The following TNFSF8 variants were observed in gnomAD, a reference collection of about 807,000 sequenced individuals.
TNFSF8 encodes tumor necrosis factor ligand superfamily member 8.
In TNFSF8, 4 loss-of-function variants were observed where a neutral mutation model predicts 22.0. That is an observed-to-expected ratio of 0.18 (90% CI 0.09 to 0.42). The LOEUF is 0.42. Ranked by LOEUF, TNFSF8 falls within the 10% of genes least tolerant of loss-of-function variation. The pLI, the probability that TNFSF8 is intolerant of heterozygous loss-of-function variation, is 1.00. For missense variants in TNFSF8, 233 were observed against 281.8 expected, an observed-to-expected ratio of 0.83 and a Z score of 1.24; for synonymous variants, 106 against 112.5, an observed-to-expected ratio of 0.94 and a Z score of 0.37.
intron 2 of TNFSF8, among the ~76,000 whole-genome samples, chr9:114,910,905 G>C (rs565949256): frequency 2.1e-4 from 32 of 152,212 alleles, no homozygotes; most frequent in Admixed American, 3.9e-4. Context: ...TTTAGCTCTG[G>C]ATCTGTCATT....
intron 2 of TNFSF8, among the ~76,000 whole-genome samples, chr9:114,910,984 A>G (rs1827845827): frequency 6.6e-6 from 1 of 152,196 alleles, no homozygotes; most frequent in Non-Finnish European, 1.5e-5. Flanking sequence ...AAATGTATGG[A>G]TGTCATGAAG....
chr9:114,918,518 T>C (rs1336380294), intron 1 of TNFSF8, among the ~76,000 whole-genome samples: 1 of 151,874 alleles, frequency 6.6e-6, no homozygotes, highest in African/African-American at 2.4e-5. Context: ...GGTATGATCA[T>C]GGGTCACTGC....
downstream of TNFSF8, among the ~76,000 whole-genome samples, chr9:114,899,345 A>AT (rs917553729): frequency 1.3e-3 from 180 of 143,900 alleles, 1 homozygote; most frequent in Middle Eastern, 3.5e-3. Context: ...GTAAGTTATT[A>AT]TTTTTTTTTT....
intron 2 of TNFSF8, among the ~76,000 whole-genome samples, chr9:114,908,015 T>G (rs919194398): frequency 3.9e-5 from 6 of 152,170 alleles, no homozygotes; most frequent in African/African-American, 1.4e-4. Context: ...CATTTAGGAA[T>G]GTTGATTTAT....
chr9:114,927,255 TTTG>T (rs1183039562), intron 1 of TNFSF8, among the ~76,000 whole-genome samples: 1 of 151,832 alleles, frequency 6.6e-6, no homozygotes, highest in East Asian at 1.9e-4. Flanking sequence ...AGACAGGGAT[TTTG>T]TTGTTTTTTT....
Position 114,901,577 on chromosome 9 carries a change from A to C in TNFSF8, c.*2354T>G. 1 of 985,328 alleles carries C rather than the reference A, an allele frequency of 1.0e-6. No homozygotes were observed. Among genetic ancestry groups the C allele is most frequent in the Non-Finnish European group, 1.2e-6 (1 of 829,808 alleles). 61.0% of individuals were successfully genotyped at this position (985,328 alleles called of 1,614,324 possible). A position where few individuals can be genotyped will look rare whatever the true frequency, so the allele number is the denominator to read the frequency against. On this transcript the variant is annotated 3_prime_UTR_variant, in exon 4 of 4. Transcript: ENST00000223795. ...GTTGCATATACCTTTTCAAGAATGCATGAGTTGGTTTAAGCAAGATTCATT... is the reference window on the plus strand; with the variant it reads ...GTTGCATATACCTTTTCAAGAATGCCTGAGTTGGTTTAAGCAAGATTCATT...
intron 2 of TNFSF8, among the ~76,000 whole-genome samples, chr9:114,907,297 G>C (rs774050661): frequency 6.6e-6 from 1 of 152,174 alleles, no homozygotes; most frequent in Non-Finnish European, 1.5e-5. Context: ...CAGTGGGTCA[G>C]CTGTCATCCC....
chr9:114,927,484 C>T (rs1230489069), intron 1 of TNFSF8, among the ~76,000 whole-genome samples: 1 of 152,140 alleles, frequency 6.6e-6, no homozygotes, highest in Non-Finnish European at 1.5e-5. Flanking sequence ...GCTAGGAGTG[C>T]CTCTCCTCTG....
intron 1 of TNFSF8, among the ~76,000 whole-genome samples, chr9:114,925,674 A>G (rs904234250): frequency 5.9e-5 from 9 of 152,180 alleles, no homozygotes; most frequent in African/African-American, 2.2e-4. Flanking sequence ...TGTGGAGATA[A>G]TTTAAAAAGA....
exon 5 of TNFSF8, chr9:114,893,886 C>A: frequency 1.8e-6 from 1 of 545,208 alleles, no homozygotes. Context: ...TCTCTGGGGC[C>A]AGGAAGTATT....
At chr9:114,909,271 A>G (rs1489690112) in intron 2 of TNFSF8, among the ~76,000 whole-genome samples, 3 of 152,230 alleles carry the variant, frequency 2.0e-5, no homozygotes, top group Non-Finnish European at 4.4e-5. Flanking sequence ...TGACTTATAA[A>G]TAGTGGCATT....
At chr9:114,916,182 G>T (rs1564370681) in intron 2 of TNFSF8, among the ~76,000 whole-genome samples, 1 of 152,168 alleles carries the variant, frequency 6.6e-6, no homozygotes, top group African/African-American at 2.4e-5. Flanking sequence ...TGTAAAAAAA[G>T]GACATTTTGA....
intron 2 of TNFSF8, 70 bp downstream of exon 2, chr9:114,918,026 C>T: frequency 6.9e-7 from 1 of 1,451,282 alleles, no homozygotes; most frequent in Non-Finnish European, 9.4e-7. Flanking sequence ...GGTTGATAAT[C>T]AGGTTTCACA....
At chr9:114,919,069 A>T (rs1223921472) in intron 1 of TNFSF8, among the ~76,000 whole-genome samples, 2 of 151,338 alleles carry the variant, frequency 1.3e-5, no homozygotes, top group Non-Finnish European at 2.9e-5. Context: ...TGTTGTAAAC[A>T]TACCTGGGAA....
Position 114,893,960 on chromosome 9 carries a change from C to T in TNFSF8, c.*119G>A. 4 of 794,040 alleles carry T rather than the reference C, an allele frequency of 5.0e-6. No homozygotes were observed. The South Asian group carries it at 6.2e-5, about 12-fold the overall frequency. The allele number at this position is 794,040 out of a possible 1,614,324, so 49.2% of individuals were successfully genotyped here. On this transcript the variant is annotated 3_prime_UTR_variant, in exon 5 of 5. Transcript: ENST00000618336. The stretch of plus-strand genomic sequence containing the variant: ...CTGTTTGTGGGGGGTGAACCGTTTC[C>T]TGGCTATGTCGGTTTAGGCCCAGAG...
At position 114,929,892 on chromosome 9, in the gene TNFSF8, T is replaced by A. The variant is rs6478119; in HGVS notation, c.195+217A>T. On this transcript the variant is annotated intron_variant, in intron 1 of 3. Coordinates refer to ENST00000223795, the MANE Select transcript of TNFSF8 (RefSeq NM_001244.4). ...CCTTTCTCATATATATATATATATA[T>A]AATATATACTGTATAATATAATATA... Among the ~76,000 whole-genome samples, 92 of 139,272 alleles carry A rather than the reference T, an allele frequency of 6.6e-4. No homozygotes were observed. The East Asian group carries it at 9.3e-3, about 14-fold the overall frequency. The allele number at this position is 139,272 out of a possible 152,430, so 91.4% of individuals were successfully genotyped here. A position where few individuals can be genotyped will look rare whatever the true frequency, so the allele number is the denominator to read the frequency against.
intron 1 of TNFSF8, among the ~76,000 whole-genome samples, chr9:114,926,871 C>T (rs1253305833): frequency 1.3e-5 from 2 of 150,100 alleles, no homozygotes; most frequent in Admixed American, 1.3e-4. Context: ...CTCTTATTTG[C>T]TAGTTACTTT....
At chr9:114,905,656 C>T (rs565819520) in intron 3 of TNFSF8, among the ~76,000 whole-genome samples, 172 bp downstream of exon 3, 11 of 152,168 alleles carry the variant, frequency 7.2e-5, no homozygotes, top group South Asian at 2.1e-4. Flanking sequence ...ACGCTCTCCC[C>T]GCTAAGACAT....
At chr9:114,914,072 C>T (rs1221474321) in intron 2 of TNFSF8, among the ~76,000 whole-genome samples, 1 of 152,106 alleles carries the variant, frequency 6.6e-6, no homozygotes, top group African/African-American at 2.4e-5. Flanking sequence ...AAAGTCAGAA[C>T]AATTTGAATT....
Sources: gnomAD v4.1 joint callset for allele counts (sites outside exome capture counted in the v4.1 genomes callset) on GRCh38, gnomAD v4.1.1 for gene constraint, MANE v1.5 for transcripts, NCBI Gene and HGNC (gene_info 2026-07-23, HGNC 2026-07-21) for gene names.